Variants in ARHGAP15 observed in about 807,000 individuals in gnomAD.
ARHGAP15 encodes Rho GTPase activating protein 15.
A neutral mutation model predicts 63.7 loss-of-function variants in ARHGAP15; 51 were observed. The observed-to-expected ratio is 0.80, with a 90% CI of 0.64 to 1.01. ARHGAP15 has a LOEUF of 1.01. Ranked by LOEUF, ARHGAP15 falls within the 50% of genes least tolerant of loss-of-function variation. The probability of loss-of-function intolerance (pLI) is 0.00; values close to 1 mark genes in which losing one functional copy is unlikely to be tolerated. For synonymous variants in ARHGAP15, 191 were observed against 193.8 expected (o/e 0.99, Z 0.12); for missense variants, 560 against 564.6 (o/e 0.99, Z 0.08).
chr2:143,526,387 A>G (rs972157126), intron 10 of ARHGAP15, among the ~76,000 whole-genome samples: 1 of 151,476 alleles, frequency 6.6e-6, no homozygotes, highest in African/African-American at 2.4e-5. Context: ...TCTAATTTCC[A>G]ACCTCCACCC....
chr2:143,744,780 A>AC (rs778641926), intron 13 of ARHGAP15, among the ~76,000 whole-genome samples: 3 of 152,184 alleles, frequency 2.0e-5, no homozygotes, highest in Non-Finnish European at 4.4e-5. Context: ...TTCAATATCC[A>AC]CCTACAACCA....
chr2:143,189,611 G>GGA (rs1691599161), intron 2 of ARHGAP15, among the ~76,000 whole-genome samples: 2 of 151,504 alleles, frequency 1.3e-5, no homozygotes, highest in South Asian at 2.1e-4. Flanking sequence ...ACAGGCATGG[G>GGA]CCAACACACC....
At chr2:143,459,873 T>A (rs889760928) in intron 8 of ARHGAP15, among the ~76,000 whole-genome samples, 2 of 152,088 alleles carry the variant, frequency 1.3e-5, no homozygotes, top group African/African-American at 4.8e-5. Flanking sequence ...TAATTCTAAG[T>A]ATGAAGCATA....
chr2:143,637,466 A>C (rs2105265399), intron 12 of ARHGAP15, among the ~76,000 whole-genome samples: 1 of 152,170 alleles, frequency 6.6e-6, no homozygotes, highest in African/African-American at 2.4e-5. Context: ...TTTTGCTTTA[A>C]GTTTTGCATA....
intron 1 of ARHGAP15, among the ~76,000 whole-genome samples, chr2:143,135,907 T>C (rs891072173): frequency 6.6e-6 from 1 of 152,220 alleles, no homozygotes; most frequent in Admixed American, 6.5e-5. Flanking sequence ...ATCTATATAC[T>C]AATTATATTT....
chr2:143,312,226 G>A (rs1263164772), intron 6 of ARHGAP15, among the ~76,000 whole-genome samples: 3 of 152,166 alleles, frequency 2.0e-5, no homozygotes, highest in Non-Finnish European at 1.5e-5. Context: ...CTCTGTATAA[G>A]AGGATATTAT....
chr2:143,659,529 G>A (rs1380944596), intron 12 of ARHGAP15, among the ~76,000 whole-genome samples: 1 of 152,188 alleles, frequency 6.6e-6, no homozygotes, highest in South Asian at 2.1e-4. Flanking sequence ...GGGTCAGCCA[G>A]TCTGATAGCT....
chr2:143,598,726 C>A (rs1418895525), intron 11 of ARHGAP15, among the ~76,000 whole-genome samples: 1 of 151,952 alleles, frequency 6.6e-6, no homozygotes, highest in Non-Finnish European at 1.5e-5. Flanking sequence ...GACAGCAAAG[C>A]AAAACCCCCA....
At chr2:143,313,237 G>A (rs1683530275) in intron 6 of ARHGAP15, among the ~76,000 whole-genome samples, 1 of 152,080 alleles carries the variant, frequency 6.6e-6, no homozygotes, top group African/African-American at 2.4e-5. Context: ...CTGCACTACC[G>A]AGTTTTTGAA....
At chr2:143,204,322 C>T (rs1019260402) in intron 3 of ARHGAP15, among the ~76,000 whole-genome samples, 6 of 152,020 alleles carry the variant, frequency 3.9e-5, no homozygotes, top group African/African-American at 9.7e-5. Flanking sequence ...ACAAACAAGG[C>T]GGCTTTTAAA....
chr2:143,285,885 T>G (rs1057286884), intron 6 of ARHGAP15, among the ~76,000 whole-genome samples: 21 of 152,170 alleles, frequency 1.4e-4, no homozygotes, highest in African/African-American at 4.8e-4. Context: ...AACTGAAACA[T>G]CAAACCATTA....
At chr2:143,300,856 A>T (rs1245776205) in intron 6 of ARHGAP15, among the ~76,000 whole-genome samples, 1 of 152,018 alleles carries the variant, frequency 6.6e-6, no homozygotes. Context: ...TTACATATTA[A>T]ATTACTACAG....
chr2:143,462,726 C>A (rs777593224), intron 8 of ARHGAP15, among the ~76,000 whole-genome samples: 7 of 152,154 alleles, frequency 4.6e-5, no homozygotes, highest in African/African-American at 1.7e-4. Context: ...TGTAGAATCA[C>A]TCTGGGTTCA....
chr2:143,271,392 G>T (rs1335004327), intron 6 of ARHGAP15, among the ~76,000 whole-genome samples: 3 of 152,122 alleles, frequency 2.0e-5, no homozygotes, highest in African/African-American at 7.2e-5. Context: ...CATTTTCTCC[G>T]TATCTTTTAA....
At chr2:143,432,684 A>G (rs1005958991) in intron 6 of ARHGAP15, among the ~76,000 whole-genome samples, 1 of 152,060 alleles carries the variant, frequency 6.6e-6, no homozygotes, top group African/African-American at 2.4e-5. Context: ...AAGAATTCAG[A>G]TGGACCCTTA....
At chr2:143,255,774 T>C (rs978032685) in intron 6 of ARHGAP15, among the ~76,000 whole-genome samples, 1 of 152,194 alleles carries the variant, frequency 6.6e-6, no homozygotes, top group Admixed American at 6.6e-5. Context: ...AGGATGATTC[T>C]TCACATTCAT....
intron 9 of ARHGAP15, among the ~76,000 whole-genome samples, chr2:143,492,219 A>T (rs938317179): frequency 6.6e-6 from 1 of 151,984 alleles, no homozygotes; most frequent in Non-Finnish European, 1.5e-5. Flanking sequence ...CTTACAGTCA[A>T]ATACAGCTCA....
intron 6 of ARHGAP15, among the ~76,000 whole-genome samples, chr2:143,345,140 G>A (rs1318360195): frequency 6.6e-6 from 1 of 151,870 alleles, no homozygotes; most frequent in Non-Finnish European, 1.5e-5. Context: ...ATTAGCAAGT[G>A]GATTTATTTT....
intron 10 of ARHGAP15, among the ~76,000 whole-genome samples, chr2:143,543,667 A>G (rs1033004116): frequency 6.6e-6 from 1 of 152,060 alleles, no homozygotes; most frequent in African/African-American, 2.4e-5. Flanking sequence ...ATAAATATGT[A>G]TGTGTATATA....
Sources: gnomAD v4.1 joint callset for allele counts (sites outside exome capture counted in the v4.1 genomes callset) on GRCh38, gnomAD v4.1.1 for gene constraint, MANE v1.5 for transcripts, NCBI Gene and HGNC (gene_info 2026-07-23, HGNC 2026-07-21) for gene names.